The following ARHGEF17 variants were observed in gnomAD, a reference collection of about 807,000 sequenced individuals.
The protein encoded by ARHGEF17 is Rho guanine nucleotide exchange factor 17.
In ARHGEF17, 80 loss-of-function variants were observed where a neutral mutation model predicts 174.0. That is an observed-to-expected ratio of 0.46 (90% CI 0.38 to 0.55). The LOEUF (loss-of-function observed/expected upper bound fraction) is 0.55, where lower values mean the gene tolerates loss of function less well. ARHGEF17 is among the 20% of genes least tolerant of loss of function. The pLI is 0.00. For missense variants in ARHGEF17, 2,886 were observed against 2,839.7 expected (o/e 1.02, Z -0.37); for synonymous variants, 1,311 against 1,189.1 (o/e 1.10, Z -2.11).
chr11:73,360,118 A>G (rs891111385), intron 10 of ARHGEF17, among the ~76,000 whole-genome samples, 166 bp downstream of exon 10: 1 of 152,248 alleles, frequency 6.6e-6, no homozygotes, highest in African/African-American at 2.4e-5. Flanking sequence ...AACATGTTCC[A>G]GGTCTGAGGG....
In ARHGEF17 at chr11:73,361,232, G is replaced by A. The variant is rs936484886; in HGVS notation, c.4494+71G>A. ...CAGGTGTTCATGAATTTTTGTGTAC[G>A]ACATTGTGTATATGCCGTGAACATT... On this transcript the variant is annotated intron_variant, in intron 12 of 20. Coordinates refer to ENST00000263674, the MANE Select transcript of ARHGEF17 (RefSeq NM_014786.4). 3.1e-5 allele frequency: 45 copies of A among 1,430,664 alleles called. 1 individual carries two copies. The highest frequency in any genetic ancestry group is 1.8e-4 in the Middle Eastern group (1 of 5,698). The allele number at this position is 1,430,664 out of a possible 1,614,324, so 88.6% of individuals were successfully genotyped here.
chr11:73,332,641 C>G (rs971540539), intron 1 of ARHGEF17, among the ~76,000 whole-genome samples: 14 of 151,920 alleles, frequency 9.2e-5, no homozygotes, highest in African/African-American at 3.4e-4. Context: ...GGGGTCACTC[C>G]CTTAGGCTAG....
chr11:73,311,934 T>C (rs1864845476), intron 1 of ARHGEF17, 104 bp downstream of exon 1: 1 of 1,330,206 alleles, frequency 7.5e-7, no homozygotes, highest in Non-Finnish European at 1.0e-6. Context: ...GGTGCCCAGG[T>C]GCCAAGGGTG....
chr11:73,363,218 C>A lies in ARHGEF17; in HGVS notation c.5009C>A (p.Pro1670Gln). Residue 1670 changes from proline to glutamine, a missense_variant, in exon 15 of 21, where the codon CCG becomes CAG. Physicochemically the swap from Pro to Gln is moderately conservative, Grantham distance 76. This residue lies in a region of ARHGEF17 where 476 missense variants were observed against 473.1 expected (regional missense o/e 1.01). Coordinates refer to ENST00000263674, the MANE Select transcript of ARHGEF17 (RefSeq NM_014786.4). ...ISSSFGNEET[P>Q]SSKEATAETT... is the part of the protein sequence containing the mutation. Reference sequence around the variant, plus strand: ...TTGTCTCCCTCAGATGAGGAGACCCCGAGTTCCAAGGAGGCCACGGCAGAG... The same window carrying A: ...TTGTCTCCCTCAGATGAGGAGACCCAGAGTTCCAAGGAGGCCACGGCAGAG... 1 of 1,569,964 alleles carries A rather than the reference C, an allele frequency of 6.4e-7. No homozygotes were observed. Among genetic ancestry groups the A allele is most frequent in the East Asian group, 2.3e-5 (1 of 44,208 alleles).
At chr11:73,342,702 G>A (rs1190385511) in intron 1 of ARHGEF17, among the ~76,000 whole-genome samples, 1 of 152,128 alleles carries the variant, frequency 6.6e-6, no homozygotes, top group Non-Finnish European at 1.5e-5. Context: ...CCGGCGCTGG[G>A]TACAGGTGCG....
Position 73,309,774 on chromosome 11 carries a change from C to T in ARHGEF17, c.1136C>T (p.Ser379Leu), listed in dbSNP as rs746535111. Residue 379 changes from serine (S) to leucine (L), a missense_variant, in exon 1 of 21, where the codon TCG (serine) becomes TTG (leucine). Coordinates refer to ENST00000263674, the MANE Select transcript of ARHGEF17 (RefSeq NM_014786.4). ...AFRVAKVSFP[S>L]YLASPAGSRG... Reference sequence around the variant, plus strand: ...CGTGTGGCCAAGGTGAGCTTTCCCTCGTACCTGGCCAGCCCCGCAGGCTCC... The same window carrying T: ...CGTGTGGCCAAGGTGAGCTTTCCCTTGTACCTGGCCAGCCCCGCAGGCTCC... 9.9e-6 allele frequency: 16 copies of T among 1,612,898 alleles called. No homozygotes were observed. In the African/African-American group the frequency reaches 1.9e-4, roughly 19 times the overall value.
intron 1 of ARHGEF17, among the ~76,000 whole-genome samples, chr11:73,345,693 T>C (rs887075538): frequency 1.3e-5 from 2 of 152,170 alleles, no homozygotes; most frequent in African/African-American, 2.4e-5. Flanking sequence ...GCACAGCACT[T>C]GCTCGAACCA....
At chr11:73,331,253 A>AC (rs1278349797) in intron 1 of ARHGEF17, among the ~76,000 whole-genome samples, 1 of 151,964 alleles carries the variant, frequency 6.6e-6, no homozygotes, top group Non-Finnish European at 1.5e-5. Context: ...TGTGTCCCAT[A>AC]CCCCTAGCCC....
rs750609941 is a variant in ARHGEF17, at chr11:73,309,798, C to T, written c.1160C>T (p.Ser387Phe). 27 of 1,612,946 alleles carry T rather than the reference C, an allele frequency of 1.7e-5. No homozygotes were observed. The highest frequency in any genetic ancestry group is 6.7e-5 in the East Asian group (3 of 44,900). ...FPSYLASPAG[S>F]RGSSRYSSTE... ...TCGTACCTGGCCAGCCCCGCAGGCTCCCGCGGTAGCAGCCGTTATTCCAGC... is the reference window on the plus strand; with the variant it reads ...TCGTACCTGGCCAGCCCCGCAGGCTTCCGCGGTAGCAGCCGTTATTCCAGC... The change falls in exon 1 of 21, where the codon TCC becomes TTC. Residue 387 changes from serine (S) to phenylalanine (F), a missense_variant. Around this residue, in one of 4 missense-constraint regions of ARHGEF17, gnomAD observed 1,728 missense variants for 1,461.2 expected, o/e 1.18. Coordinates refer to ENST00000263674, the MANE Select transcript of ARHGEF17 (RefSeq NM_014786.4).
chr11:73,352,975 A>G lies in ARHGEF17; in HGVS notation c.3416A>G (p.His1139Arg). Residue 1139 changes from histidine to arginine, a missense_variant, in exon 3 of 21, where the codon CAT (histidine) becomes CGT (arginine). By Grantham distance (29) the His-to-Arg change is conservative (BLOSUM62 0). Coordinates refer to ENST00000263674, the MANE Select transcript of ARHGEF17 (RefSeq NM_014786.4). The stretch of plus-strand genomic sequence containing the variant: ...GTTCGGCACTGCATGCAGACCTGGC[A>G]TGCCCAGCAGAAGGTGGGAGCCCTG... Reference protein sequence around the residue: ...EQVRHCMQTWHAQQKVGALLV... With the variant: ...EQVRHCMQTWRAQQKVGALLV... 6.2e-7 allele frequency: 1 copy of G among 1,614,064 alleles called. No homozygotes were observed. The highest frequency in any genetic ancestry group is 8.5e-7 in the Non-Finnish European group (1 of 1,180,034).
At chr11:73,355,353 G>A (rs1357412320) in intron 3 of ARHGEF17, among the ~76,000 whole-genome samples, 180 bp from the exon 4 acceptor site, 2 of 152,194 alleles carry the variant, frequency 1.3e-5, no homozygotes, top group Non-Finnish European at 2.9e-5. Flanking sequence ...GTGTACACAT[G>A]CACATACGCC....
At chr11:73,319,216 A>G (rs1864975829) in intron 1 of ARHGEF17, among the ~76,000 whole-genome samples, 1 of 152,100 alleles carries the variant, frequency 6.6e-6, no homozygotes, top group Non-Finnish European at 1.5e-5. Flanking sequence ...GGCATGCGCC[A>G]CCACATCCAG....
intron 18 of ARHGEF17, chr11:73,364,807 A>G (rs1021253573): frequency 1.8e-5 from 11 of 608,952 alleles, no homozygotes; most frequent in Non-Finnish European, 2.7e-5. Context: ...AGTGTCCCAT[A>G]TACATTAGGA....
At chr11:73,364,934 T>A (rs1487210424) in intron 18 of ARHGEF17, 1 of 322,094 alleles carries the variant, frequency 3.1e-6, no homozygotes, top group Non-Finnish European at 5.7e-6. Context: ...CTGGCATTTA[T>A]TGCTGCACAT....
At chr11:73,318,679 C>T (rs1044494385) in intron 1 of ARHGEF17, among the ~76,000 whole-genome samples, 3 of 152,194 alleles carry the variant, frequency 2.0e-5, no homozygotes, top group Admixed American at 6.5e-5. Context: ...GGTTTCTTTC[C>T]AGTGGAGCTT....
intron 3 of ARHGEF17, among the ~76,000 whole-genome samples, chr11:73,354,774 C>T (rs1425615798): frequency 3.9e-5 from 6 of 152,010 alleles, no homozygotes; most frequent in African/African-American, 4.8e-5. Flanking sequence ...AATGTGGTCA[C>T]GTAGCTTATC....
chr11:73,343,944 T>C (rs899345045), intron 1 of ARHGEF17, among the ~76,000 whole-genome samples: 6 of 152,168 alleles, frequency 3.9e-5, no homozygotes, highest in Non-Finnish European at 8.8e-5. Context: ...CGTTTTTTAT[T>C]TCTGTGTGGG....
At chr11:73,340,113 G>C (rs1865346988) in intron 1 of ARHGEF17, among the ~76,000 whole-genome samples, 1 of 152,178 alleles carries the variant, frequency 6.6e-6, no homozygotes, top group Non-Finnish European at 1.5e-5. Context: ...GAAGGGCTCT[G>C]ATGCCTGTGC....
chr11:73,364,298 C>G (rs140121811), intron 17 of ARHGEF17, 59 bp downstream of exon 17: 106 of 1,605,118 alleles, frequency 6.6e-5, no homozygotes, highest in Non-Finnish European at 8.4e-5. Context: ...TTGGGGCTCT[C>G]TCCTGGAGAT....
Sources: allele counts gnomAD v4.1 joint callset (sites outside exome capture counted in the v4.1 genomes callset), GRCh38; gene constraint gnomAD v4.1.1; regional missense constraint gnomAD v4.1.1; transcripts MANE v1.5; gene names NCBI Gene and HGNC (gene_info 2026-07-23, HGNC 2026-07-21).